Variants in SLC2A14 observed in about 807,000 individuals in gnomAD.
SLC2A14 encodes solute carrier family 2, facilitated glucose transporter member 14.
In SLC2A14, 13 loss-of-function variants were observed where a neutral mutation model predicts 43.0. That is an observed-to-expected ratio of 0.30 (90% CI 0.20 to 0.48). The LOEUF (loss-of-function observed/expected upper bound fraction) is 0.48, where lower values mean the gene tolerates loss of function less well. Among genes scored for constraint, SLC2A14 ranks in the 20% least tolerant of loss-of-function variants. The pLI is 0.99. For synonymous variants in SLC2A14, 190 were observed against 233.8 expected, an observed-to-expected ratio of 0.81 and a Z score of 1.71; for missense variants, 428 against 620.4, an observed-to-expected ratio of 0.69 and a Z score of 3.29.
At chr12:7,882,202 A>G (rs1489668502) in intron 1 of SLC2A14, among the ~76,000 whole-genome samples, 1 of 151,826 alleles carries the variant, frequency 6.6e-6, no homozygotes, top group Non-Finnish European at 1.5e-5. Flanking sequence ...TTACTTTTGA[A>G]GCCGGTAAGA....
chr12:7,887,697 G>A (rs888682323), intron 1 of SLC2A14, among the ~76,000 whole-genome samples: 6 of 152,072 alleles, frequency 3.9e-5, no homozygotes, highest in African/African-American at 1.4e-4. Context: ...AATCCAAGCT[G>A]CACTTGACCT....
chr12:7,886,778 C>T (rs1945695100), intron 1 of SLC2A14, among the ~76,000 whole-genome samples: 1 of 151,966 alleles, frequency 6.6e-6, no homozygotes, highest in South Asian at 2.1e-4. Context: ...CTGTTATTTT[C>T]AAGAGTTATT....
rs1334413527 is a variant in SLC2A14 at position 7,867,298 on chromosome 12, A to AC, written c.18+2564_18+2565insG. Among the ~76,000 whole-genome samples the AC allele has an allele frequency of 3.4e-4, 24 of 70,882 alleles. No homozygotes were observed. The South Asian group carries it at 8.3e-3, about 25-fold the overall frequency. The allele number at this position is 70,882 out of a possible 152,430, so 46.5% of individuals were successfully genotyped here. A position where few individuals can be genotyped will look rare whatever the true frequency, so the allele number is the denominator to read the frequency against. On this transcript the variant is annotated intron_variant, in intron 2 of 10. Coordinates refer to ENST00000431042, the MANE Select transcript of SLC2A14 (RefSeq NM_001286234.2). ...TCCGTCTCAAAAAAAAAAAAAAAAA[A>AC]AACAAAAAAAACATTCGTGATTCAT...
intron 5 of SLC2A14, among the ~76,000 whole-genome samples, chr12:7,829,554 C>CA (rs36068117): frequency 4.9e-4 from 70 of 144,066 alleles, no homozygotes; most frequent in Middle Eastern, 3.6e-3. Flanking sequence ...AACTCCCTCT[C>CA]AAAAAAAAAA....
intron 1 of SLC2A14, among the ~76,000 whole-genome samples, chr12:7,882,704 G>T (rs1335193376): frequency 1.3e-5 from 2 of 151,914 alleles, no homozygotes; most frequent in East Asian, 1.9e-4. Flanking sequence ...CAGCATAGTG[G>T]CGCACGCCTG....
intron 2 of SLC2A14, among the ~76,000 whole-genome samples, chr12:7,842,766 T>C (rs1294128262): frequency 6.6e-6 from 1 of 151,878 alleles, no homozygotes; most frequent in Non-Finnish European, 1.5e-5. Flanking sequence ...TTCGCTCTTG[T>C]TGCCCAGGCT....
intron 2 of SLC2A14, among the ~76,000 whole-genome samples, chr12:7,850,445 G>A (rs1048342715): frequency 1.3e-5 from 2 of 152,096 alleles, no homozygotes; most frequent in Non-Finnish European, 2.9e-5. Flanking sequence ...ACCAGGCTTG[G>A]AGTGCAGTGG....
chr12:7,828,684 A>G lies in SLC2A14; in HGVS notation c.676+20T>C. 1 of 1,612,740 alleles carries G rather than the reference A, an allele frequency of 6.2e-7. No homozygotes were observed. Among genetic ancestry groups the G allele is most frequent in the Non-Finnish European group, 8.5e-7 (1 of 1,178,844 alleles). On this transcript the variant is annotated intron_variant, in intron 6 of 10. Coordinates refer to ENST00000431042, the MANE Select transcript of SLC2A14 (RefSeq NM_001286234.2). ...ACCACAACCATATACTTTGTATACT[A>G]AAGAGTGAAAGATACTCACTCCGCG...
At chr12:7,856,232 C>CT (rs916349532) in intron 2 of SLC2A14, 2 of 152,154 alleles carry the variant, frequency 1.3e-5, no homozygotes, top group Non-Finnish European at 2.9e-5. Flanking sequence ...GAGAGGATCA[C>CT]TTGAGGCCAG....
chr12:7,821,927 C>T (rs1471300340), intron 7 of SLC2A14, among the ~76,000 whole-genome samples: 4 of 148,772 alleles, frequency 2.7e-5, no homozygotes, highest in African/African-American at 5.0e-5. Context: ...CGGGTTCAAG[C>T]GATTCTCCTG....
intron 1 of SLC2A14, among the ~76,000 whole-genome samples, chr12:7,880,286 G>A (rs1182975023): frequency 1.3e-5 from 2 of 151,554 alleles, no homozygotes; most frequent in African/African-American, 4.8e-5. Flanking sequence ...GGCAACAAGA[G>A]CAAAACTCCG....
Position 7,879,333 on chromosome 12 carries a change from A to ACAAAC in SLC2A14, c.132+11662_132+11663insGTTTG, listed in dbSNP as rs754810714. Reference sequence around the variant, plus strand: ...TGCAAAAAAAAACAAACAACAACAAAAAAAAACAAAAGTTGCACCCCAGCC... The same window carrying ACAAAC: ...TGCAAAAAAAAACAAACAACAACAAACAAACAAAAAACAAAAGTTGCACCCCAGCC... On this transcript the variant is annotated intron_variant, in intron 1 of 9. Coordinates refer to the SLC2A14 transcript ENST00000539924. Among the ~76,000 whole-genome samples the ACAAAC allele has an allele frequency of 4.5e-3, 281 of 61,976 alleles. 5 individuals carry two copies. Among genetic ancestry groups the ACAAAC allele is most frequent in the Non-Finnish European group, 5.0e-3 (122 of 24,566 alleles). 40.7% of individuals were successfully genotyped at this position (61,976 alleles called of 152,430 possible).
chr12:7,859,333 T>C (rs1315181751), intron 2 of SLC2A14, among the ~76,000 whole-genome samples: 1 of 151,964 alleles, frequency 6.6e-6, no homozygotes, highest in African/African-American at 2.4e-5. Flanking sequence ...GTGGTTGCGA[T>C]GAGCCAAGAT....
chr12:7,813,430 T>C lies in SLC2A14; in HGVS notation c.*886A>G, dbSNP rs2120623079. 6.6e-6 allele frequency: 1 copy of C among 152,308 alleles called. No homozygotes were observed. The highest frequency in any genetic ancestry group is 1.9e-4 in the East Asian group (1 of 5,186). 9.4% of individuals were successfully genotyped at this position (152,308 alleles called of 1,614,324 possible). A position where few individuals can be genotyped will look rare whatever the true frequency, so the allele number is the denominator to read the frequency against. On this transcript the variant is annotated 3_prime_UTR_variant, in exon 11 of 11. Transcript: ENST00000431042. Reference sequence around the variant, plus strand: ...TCTCTTCCCTGGACTCCATCCAAAATTAGAACCCATCAACCGCCATTAACT... The same window carrying C: ...TCTCTTCCCTGGACTCCATCCAAAACTAGAACCCATCAACCGCCATTAACT...
intron 1 of SLC2A14, chr12:7,890,992 T>G (rs1945767559): frequency 6.5e-6 from 10 of 1,534,144 alleles, no homozygotes; most frequent in Non-Finnish European, 7.9e-6. Flanking sequence ...CTAGTTCCAC[T>G]TACCTCCTCC....
At position 7,817,943 on chromosome 12, in the gene SLC2A14, A is replaced by T. The variant is rs759129553; in HGVS notation, c.1163T>A (p.Phe388Tyr). ...CTGGCTGAAGAGTTCGGCCACAATA[A>T]ACCAGGGAATGGGGCCTGGTCCAAT... Reference protein sequence around the residue: ...FEIGPGPIPWFIVAELFSQGP... With the variant: ...FEIGPGPIPWYIVAELFSQGP... The change falls in exon 10 of 11, where the codon TTT (phenylalanine) becomes TAT (tyrosine). Residue 388 changes from phenylalanine to tyrosine, a missense_variant. By Grantham distance (22) the Phe-to-Tyr change is conservative. Around this residue, in one of 4 missense-constraint regions of SLC2A14, gnomAD observed 119 missense variants for 188.7 expected, o/e 0.63. Transcript: ENST00000431042. 1 of 1,614,140 alleles carries T rather than the reference A, an allele frequency of 6.2e-7. No homozygotes were observed. Among genetic ancestry groups the T allele is most frequent in the Non-Finnish European group, 8.5e-7 (1 of 1,180,036 alleles).
chr12:7,841,842 C>A (rs1419246344), intron 2 of SLC2A14, among the ~76,000 whole-genome samples: 1 of 151,802 alleles, frequency 6.6e-6, no homozygotes, highest in Non-Finnish European at 1.5e-5. Context: ...CCCATCTCTA[C>A]TAAAAATATA....
chr12:7,816,975 A>G (rs1275674294), intron 10 of SLC2A14, among the ~76,000 whole-genome samples: 2 of 152,072 alleles, frequency 1.3e-5, no homozygotes, highest in African/African-American at 4.8e-5. Context: ...CCAAAGTCCT[A>G]GGATTACCGG....
chr12:7,874,287 A>G (rs1945370316), upstream of SLC2A14, among the ~76,000 whole-genome samples: 1 of 152,132 alleles, frequency 6.6e-6, no homozygotes, highest in Non-Finnish European at 1.5e-5. Context: ...TTCCACTCCT[A>G]GGTATACACT....
Sources: gnomAD v4.1 joint callset for allele counts (sites outside exome capture counted in the v4.1 genomes callset) on GRCh38, gnomAD v4.1.1 for gene constraint, gnomAD v4.1.1 regional missense constraint, MANE v1.5 for transcripts, NCBI Gene and HGNC (gene_info 2026-07-23, HGNC 2026-07-21) for gene names.